The following TPO variants were observed in gnomAD, a reference collection of about 807,000 sequenced individuals.
TPO encodes the protein thyroid peroxidase.
Under a neutral mutation model 96.9 loss-of-function variants are expected in TPO, and 78 were observed. The observed-to-expected ratio is 0.81, with a 90% CI of 0.67 to 0.97. The LOEUF (loss-of-function observed/expected upper bound fraction) is 0.97. Among genes scored for constraint, TPO ranks in the 50% least tolerant of loss-of-function variants. TPO has a pLI of 0.00. For synonymous variants in TPO, 547 were observed against 538.0 expected (o/e 1.02, Z -0.23); for missense variants, 1,252 against 1,274.8 (o/e 0.98, Z 0.27).
intron 1 of TPO, among the ~76,000 whole-genome samples, chr2:1,397,101 C>T (rs1662093469): frequency 6.6e-6 from 1 of 152,116 alleles, no homozygotes; most frequent in African/African-American, 2.4e-5. Context: ...TAGTAGGTGC[C>T]TCATAAAGAT....
At chr2:1,527,065 C>CT in intron 15 of TPO, among the ~76,000 whole-genome samples, 1 of 139,398 alleles carries the variant, frequency 7.2e-6, no homozygotes, top group African/African-American at 2.8e-5. Context: ...TCCTCAAATC[C>CT]CCTCACTGTG....
chr2:1,376,675 C>G (rs544143153), intron 1 of TPO, among the ~76,000 whole-genome samples: 2 of 152,240 alleles, frequency 1.3e-5, no homozygotes, highest in Admixed American at 6.5e-5. Flanking sequence ...CCTCCACCTC[C>G]CAGACCCATG....
intron 15 of TPO, among the ~76,000 whole-genome samples, chr2:1,527,590 T>TA (rs1676886042): frequency 7.0e-6 from 1 of 143,750 alleles, no homozygotes. Context: ...CCTCCTCACA[T>TA]CCCCACCACT....
Position 1,477,456 on chromosome 2 carries a change from C to T in TPO, c.1190C>T (p.Ala397Val), listed in dbSNP as rs1003899224. The T allele has an allele frequency of 3.9e-6, 6 of 1,524,914 alleles. No individual in the cohort carries two copies. In the African/African-American group the frequency reaches 7.1e-5, roughly 18 times the overall value. The allele number at this position is 1,524,914 out of a possible 1,614,324, so 94.5% of individuals were successfully genotyped here. Residue 397 changes from alanine to valine, a missense_variant, in exon 8 of 17, where the codon GCC becomes GTC. Coordinates refer to ENST00000329066, the MANE Select transcript of TPO (RefSeq NM_001206744.2). ...TGCTTCCTGGCCGGAGACGGCCGCG[C>T]CAGCGAGGTCCCCTCCCTGACGGCA... The part of the protein sequence containing the change: ...GPCFLAGDGR[A>V]SEVPSLTALH...
intron 15 of TPO, among the ~76,000 whole-genome samples, chr2:1,523,916 C>A (rs1243020594): frequency 8.5e-6 from 1 of 117,396 alleles, no homozygotes; most frequent in African/African-American, 3.4e-5. Flanking sequence ...TGTAATCAAC[C>A]TCCCCAAATC....
chr2:1,407,396 G>A (rs527932014), intron 1 of TPO, among the ~76,000 whole-genome samples: 33 of 152,256 alleles, frequency 2.2e-4, no homozygotes, highest in Non-Finnish European at 4.4e-4. Context: ...CTGAAAACTG[G>A]TGAAACATTT....
intron 7 of TPO, among the ~76,000 whole-genome samples, chr2:1,474,505 T>G (rs1669716540): frequency 6.6e-6 from 1 of 152,234 alleles, no homozygotes; most frequent in African/African-American, 2.4e-5. Context: ...TGAAATAGTT[T>G]AAGCAACCTT....
chr2:1,379,502 G>C (rs1318613716), intron 1 of TPO, among the ~76,000 whole-genome samples: 1 of 152,124 alleles, frequency 6.6e-6, no homozygotes, highest in Non-Finnish European at 1.5e-5. Flanking sequence ...GGAATGCAGA[G>C]GGGTTCACCA....
chr2:1,398,275 T>C (rs983781824), intron 1 of TPO, among the ~76,000 whole-genome samples: 1 of 152,226 alleles, frequency 6.6e-6, no homozygotes, highest in Admixed American at 6.5e-5. Flanking sequence ...CCCTGTATCC[T>C]GCAGGCAGCC....
chr2:1,492,857 C>T (rs901698731), intron 10 of TPO, among the ~76,000 whole-genome samples: 2 of 152,122 alleles, frequency 1.3e-5, no homozygotes, highest in Non-Finnish European at 2.9e-5. Context: ...AGGCCCTGGG[C>T]GGCGCTCTGA....
chr2:1,388,604 C>T (rs1466087979), intron 1 of TPO, among the ~76,000 whole-genome samples: 2 of 152,214 alleles, frequency 1.3e-5, no homozygotes, highest in African/African-American at 4.8e-5. Context: ...CAGCTGCCGT[C>T]TGTCACAGCT....
At chr2:1,496,913 C>A in intron 13 of TPO, 148 bp downstream of exon 13, 1 of 1,258,758 alleles carries the variant, frequency 7.9e-7, no homozygotes, top group Non-Finnish European at 1.1e-6. Flanking sequence ...AAAGCAAGGG[C>A]TCTCCCCTTG....
intron 1 of TPO, among the ~76,000 whole-genome samples, chr2:1,394,409 G>A (rs1266478502): frequency 6.6e-6 from 1 of 152,214 alleles, no homozygotes; most frequent in Non-Finnish European, 1.5e-5. Flanking sequence ...GATCTGCCAA[G>A]ACCTCAAAAT....
At chr2:1,490,745 G>T (rs1196861068) in intron 10 of TPO, among the ~76,000 whole-genome samples, 2 of 152,212 alleles carry the variant, frequency 1.3e-5, no homozygotes, top group South Asian at 2.1e-4. Flanking sequence ...TGATCAGTTC[G>T]ATCTGAGGAT....
At chr2:1,477,697 G>A in intron 8 of TPO, 93 bp downstream of exon 8, 1 of 1,390,926 alleles carries the variant, frequency 7.2e-7, no homozygotes, top group South Asian at 1.6e-5. Context: ...CTCTCTCCCA[G>A]GTACTTGCAC....
chr2:1,381,123 T>A (rs1661803038), intron 1 of TPO, among the ~76,000 whole-genome samples: 1 of 152,142 alleles, frequency 6.6e-6, no homozygotes, highest in South Asian at 2.1e-4. Context: ...ACTTCGTGAC[T>A]AAAACACCAA....
chr2:1,523,027 G>T (rs1251118135), intron 15 of TPO, among the ~76,000 whole-genome samples: 3 of 110,824 alleles, frequency 2.7e-5, no homozygotes, highest in Non-Finnish European at 5.4e-5. Context: ...CCAACTCTGT[G>T]CAACCTCCCC....
chr2:1,514,796 GAA>G, intron 14 of TPO, among the ~76,000 whole-genome samples: 2 of 152,336 alleles, frequency 1.3e-5, no homozygotes, highest in East Asian at 1.9e-4. Context: ...AAGAATAAAG[GAA>G]AGTTTCTGCT....
In TPO at chr2:1,532,186, C is replaced by T. The variant is rs559046893; in HGVS notation, c.2619-8408C>T. On this transcript the variant is annotated intron_variant, in intron 15 of 16. Transcript: ENST00000329066. The stretch of plus-strand genomic sequence containing the variant: ...CACAAATGCCCCCCACAGTGCGCAA[C>T]CTCCTCAAATCCCCCACCACTGTGA... Among the ~76,000 whole-genome samples, 9 of 100,626 alleles carry T rather than the reference C, an allele frequency of 8.9e-5. No homozygotes were observed. The East Asian group carries it at 9.8e-4, about 11-fold the overall frequency. The allele number at this position is 100,626 out of a possible 152,430, so 66.0% of individuals were successfully genotyped here.
Sources: gnomAD v4.1 joint callset for allele counts (sites outside exome capture counted in the v4.1 genomes callset) on GRCh38, gnomAD v4.1.1 for gene constraint, MANE v1.5 for transcripts, NCBI Gene and HGNC (gene_info 2026-07-23, HGNC 2026-07-21) for gene names.